IFT80: variants seen among roughly 807,000 people sequenced by gnomAD.
IFT80 encodes intraflagellar transport 80, also known as intraflagellar transport protein 80 homolog.
Under a neutral mutation model 107.9 loss-of-function variants are expected in IFT80, and 79 were observed. That is an observed-to-expected ratio of 0.73 (90% CI 0.61 to 0.88). IFT80 has a LOEUF of 0.88. IFT80 is among the 40% of genes least tolerant of loss of function. The pLI is 0.00. For missense variants in IFT80, 797 were observed against 914.2 expected, an observed-to-expected ratio of 0.87 and a Z score of 1.65; for synonymous variants, 299 against 300.9, an observed-to-expected ratio of 0.99 and a Z score of 0.07.
At chr3:160,274,869 G>A (rs541286270) in intron 18 of IFT80, among the ~76,000 whole-genome samples, 3 of 152,280 alleles carry the variant, frequency 2.0e-5, no homozygotes, top group Non-Finnish European at 2.9e-5. Flanking sequence ...GCAGTGAGCC[G>A]AGATCGTGCC....
chr3:160,341,377 A>T (rs1436430754), intron 8 of IFT80, among the ~76,000 whole-genome samples: 1 of 152,108 alleles, frequency 6.6e-6, no homozygotes, highest in East Asian at 1.9e-4. Flanking sequence ...TAATTTGACC[A>T]TGTGACCATG....
At position 160,327,556 on chromosome 3, in the gene IFT80, T is replaced by C. The variant is rs556029941; in HGVS notation, c.778-7617A>G. Reference sequence around the variant, plus strand: ...ACAACTATCTGATCTTCAACAAACCTGACAAAACAAGCAATGAGGAAAGGA... The same window carrying C: ...ACAACTATCTGATCTTCAACAAACCCGACAAAACAAGCAATGAGGAAAGGA... On this transcript the variant is annotated intron_variant, in intron 8 of 19. Coordinates refer to ENST00000326448, the MANE Select transcript of IFT80 (RefSeq NM_020800.3). Among the ~76,000 whole-genome samples the C allele has an allele frequency of 3.9e-5, 6 of 152,124 alleles. No homozygotes were observed. The South Asian group carries it at 1.2e-3, about 32-fold the overall frequency.
intron 8 of IFT80, among the ~76,000 whole-genome samples, chr3:160,331,014 T>C (rs1719050297): frequency 6.6e-6 from 1 of 152,180 alleles, no homozygotes. Flanking sequence ...ATTTCATAGA[T>C]AGAAGATTCA....
chr3:160,264,271 A>G (rs1184976706), intron 19 of IFT80, among the ~76,000 whole-genome samples: 2 of 144,934 alleles, frequency 1.4e-5, no homozygotes, highest in Non-Finnish European at 3.0e-5. Context: ...CACCATGCCC[A>G]GTTACTTTTT....
At chr3:160,347,749 A>T (rs1474772009) in intron 8 of IFT80, among the ~76,000 whole-genome samples, 3 of 152,186 alleles carry the variant, frequency 2.0e-5, no homozygotes, top group African/African-American at 7.2e-5. Flanking sequence ...CTCCATTTTT[A>T]AAGAGTTGAG....
chr3:160,311,300 A>G (rs1576789313), intron 9 of IFT80, among the ~76,000 whole-genome samples: 1 of 152,376 alleles, frequency 6.6e-6, no homozygotes, highest in African/African-American at 2.4e-5. Context: ...AAGACTTAAG[A>G]GACAAATTAA....
Position 160,357,469 on chromosome 3 carries a change from T to C in IFT80, c.639+20A>G. The C allele has an allele frequency of 8.0e-7, 1 of 1,253,274 alleles. No homozygotes were observed. Among genetic ancestry groups the C allele is most frequent in the Non-Finnish European group, 1.2e-6 (1 of 859,398 alleles). 77.6% of individuals were successfully genotyped at this position (1,253,274 alleles called of 1,614,324 possible). ...AAATTTGATTATTTCAGCCAAGTGA[T>C]AAATCTAAACATTATATACCTTATA... is the stretch of plus-strand genomic sequence containing the variant. On this transcript the variant is annotated intron_variant, in intron 7 of 19. Coordinates refer to ENST00000326448, the MANE Select transcript of IFT80 (RefSeq NM_020800.3).
chr3:160,384,317 G>T, intron 2 of IFT80: 5 of 885,558 alleles, frequency 5.6e-6, no homozygotes, highest in East Asian at 7.5e-5. Context: ...AAGTATTTAA[G>T]TATAGTACTT....
intron 9 of IFT80, among the ~76,000 whole-genome samples, chr3:160,309,825 T>G (rs1228465869): frequency 1.3e-5 from 2 of 152,100 alleles, no homozygotes. Context: ...CAGTAACATA[T>G]TATTAGAATA....
chr3:160,269,222 CAAA>C (rs10539287), intron 18 of IFT80, among the ~76,000 whole-genome samples: 31 of 104,892 alleles, frequency 3.0e-4, no homozygotes, highest in Non-Finnish European at 2.5e-4. Context: ...GAGCGAGACT[CAAA>C]AAAAAAAAAA....
At chr3:160,334,690 C>T (rs151058739) in intron 8 of IFT80, among the ~76,000 whole-genome samples, 1 of 152,276 alleles carries the variant, frequency 6.6e-6, no homozygotes, top group African/African-American at 2.4e-5. Flanking sequence ...GCTGGGATTA[C>T]AGGCGTGGGC....
At chr3:160,330,361 T>G (rs1719000848) in intron 8 of IFT80, among the ~76,000 whole-genome samples, 1 of 152,228 alleles carries the variant, frequency 6.6e-6, no homozygotes, top group Admixed American at 6.6e-5. Context: ...TCTCTGACAG[T>G]ACCTTACCAA....
intron 9 of IFT80, among the ~76,000 whole-genome samples, chr3:160,310,993 C>G (rs1343765526): frequency 6.6e-6 from 1 of 152,110 alleles, no homozygotes; most frequent in Non-Finnish European, 1.5e-5. Flanking sequence ...GGTGTGGTGG[C>G]AGACACCTGT....
At chr3:160,378,468 G>A (rs977579115) in intron 3 of IFT80, among the ~76,000 whole-genome samples, 5 of 151,970 alleles carry the variant, frequency 3.3e-5, no homozygotes, top group Admixed American at 1.3e-4. Flanking sequence ...CCATTGGAAT[G>A]AGCACAGCTA....
chr3:160,367,828 A>C (rs1023902126), intron 5 of IFT80, among the ~76,000 whole-genome samples: 6 of 151,992 alleles, frequency 3.9e-5, no homozygotes, highest in Non-Finnish European at 8.8e-5. Context: ...ACTTTATGTA[A>C]GCCTAGTTTT....
chr3:160,340,413 T>TA (rs991567648), intron 8 of IFT80, among the ~76,000 whole-genome samples: 15 of 152,212 alleles, frequency 9.9e-5, no homozygotes, highest in Non-Finnish European at 4.4e-5. Context: ...CTCTAAGTCA[T>TA]AAACACAATA....
At chr3:160,322,844 G>A (rs1718356078) in intron 8 of IFT80, among the ~76,000 whole-genome samples, 1 of 152,172 alleles carries the variant, frequency 6.6e-6, no homozygotes, top group African/African-American at 2.4e-5. Flanking sequence ...CTTTTGAGAA[G>A]TGTCTGTTCA....
chr3:160,355,983 C>T, intron 8 of IFT80, 30 bp downstream of exon 8: 2 of 1,612,824 alleles, frequency 1.2e-6, no homozygotes, highest in Non-Finnish European at 1.7e-6. Context: ...TATGACAGCA[C>T]ATCTGTGATT....
At chr3:160,308,704 G>T (rs1717009336) in intron 9 of IFT80, among the ~76,000 whole-genome samples, 1 of 152,090 alleles carries the variant, frequency 6.6e-6, no homozygotes, top group Non-Finnish European at 1.5e-5. Flanking sequence ...AAAATAGAAG[G>T]TAAATCAAAC....
Sources: gnomAD v4.1 joint callset for allele counts (sites outside exome capture counted in the v4.1 genomes callset) on GRCh38, gnomAD v4.1.1 for gene constraint, MANE v1.5 for transcripts, NCBI Gene and HGNC (gene_info 2026-07-23, HGNC 2026-07-21) for gene names.